The following CACNG2 variants were observed in gnomAD, a reference collection of about 807,000 sequenced individuals.
CACNG2 encodes the protein calcium voltage-gated channel auxiliary subunit gamma 2, also known as voltage-dependent calcium channel gamma-2 subunit.
A neutral mutation model predicts 25.9 loss-of-function variants in CACNG2; 3 were observed. The observed-to-expected ratio is 0.12, with a 90% CI of 0.05 to 0.30. The LOEUF (loss-of-function observed/expected upper bound fraction) is 0.30, where lower values mean the gene tolerates loss of function less well. Ranked by LOEUF, CACNG2 falls within the 10% of genes least tolerant of loss-of-function variation. The probability of loss-of-function intolerance (pLI) is 1.00; values close to 1 mark genes in which losing one functional copy is unlikely to be tolerated. For missense variants in CACNG2, 341 were observed against 432.5 expected, an observed-to-expected ratio of 0.79 and a Z score of 1.88; for synonymous variants, 167 against 173.3, an observed-to-expected ratio of 0.96 and a Z score of 0.29.
intron 1 of CACNG2, among the ~76,000 whole-genome samples, chr22:36,613,626 A>G (rs540192512): frequency 6.6e-6 from 1 of 151,822 alleles, no homozygotes; most frequent in Non-Finnish European, 1.5e-5. Flanking sequence ...TTCATTCTAC[A>G]TATGTTCCTC....
At chr22:36,637,075 G>C (rs566334399) in intron 1 of CACNG2, among the ~76,000 whole-genome samples, 7 of 152,248 alleles carry the variant, frequency 4.6e-5, no homozygotes. Flanking sequence ...AACATCTGCT[G>C]TGTGAGGCTC....
rs1174792138 is a variant in CACNG2, at chr22:36,662,582, G to A, written c.211+39784C>T. Reference sequence around the variant, plus strand: ...CCTTCTCTGTGCCTGACTCAGCTGTGTGTGTTCTTTAAGGCTCAACTCAGG... The same window carrying A: ...CCTTCTCTGTGCCTGACTCAGCTGTATGTGTTCTTTAAGGCTCAACTCAGG... On this transcript the variant is annotated intron_variant, in intron 1 of 3. Transcript: ENST00000300105. Among the ~76,000 whole-genome samples the A allele has an allele frequency of 1.1e-4, 16 of 152,318 alleles. No individual in the cohort carries two copies. The East Asian group carries it at 2.7e-3, about 26-fold the overall frequency.
chr22:36,640,216 C>T (rs544609386), intron 1 of CACNG2, among the ~76,000 whole-genome samples: 5 of 152,126 alleles, frequency 3.3e-5, no homozygotes, highest in African/African-American at 9.7e-5. Flanking sequence ...TTCACAGGGG[C>T]GGTTGTGAGG....
chr22:36,638,073 C>T (rs543976757), intron 1 of CACNG2, among the ~76,000 whole-genome samples: 4 of 152,080 alleles, frequency 2.6e-5, no homozygotes, highest in Non-Finnish European at 4.4e-5. Context: ...TGCCTTTACT[C>T]CTCTGTGGGT....
At chr22:36,687,284 T>C (rs1289407390) in intron 1 of CACNG2, among the ~76,000 whole-genome samples, 1 of 152,250 alleles carries the variant, frequency 6.6e-6, no homozygotes, top group Non-Finnish European at 1.5e-5. Context: ...AATAAACTTT[T>C]TGTTTTGTTT....
At chr22:36,692,368 C>T (rs1937277213) in intron 1 of CACNG2, among the ~76,000 whole-genome samples, 1 of 152,170 alleles carries the variant, frequency 6.6e-6, no homozygotes, top group Non-Finnish European at 1.5e-5. Flanking sequence ...CAAAGGCAAA[C>T]CCAGGGTTGC....
intron 1 of CACNG2, among the ~76,000 whole-genome samples, chr22:36,677,237 A>G (rs1937032574): frequency 6.6e-6 from 1 of 152,180 alleles, no homozygotes; most frequent in South Asian, 2.1e-4. Context: ...ATCCTTCTGC[A>G]TTCAAAGATT....
chr22:36,658,846 G>T (rs544233401), intron 1 of CACNG2, among the ~76,000 whole-genome samples: 1 of 152,292 alleles, frequency 6.6e-6, no homozygotes, highest in East Asian at 1.9e-4. Context: ...TCCTTAGGTT[G>T]GGTGGTCAGG....
intron 1 of CACNG2, among the ~76,000 whole-genome samples, chr22:36,660,341 G>A (rs1936773827): frequency 6.6e-6 from 1 of 152,250 alleles, no homozygotes. Context: ...CGTGACCATG[G>A]CTTCTGCGGG....
chr22:36,698,590 G>C (rs1937371202), intron 1 of CACNG2, among the ~76,000 whole-genome samples: 1 of 152,194 alleles, frequency 6.6e-6, no homozygotes, highest in Non-Finnish European at 1.5e-5. Context: ...GACACTTCTT[G>C]CTCAAAGAGA....
rs866391657 is a variant in CACNG2 at position 36,617,169 on chromosome 22, T to C, written c.212-29621A>G. ...GGTCATGGGGGTGGGGAGATTGGTA[T>C]TTCTCCATGTTCCAGTCTTGAAGAG... On this transcript the variant is annotated intron_variant, in intron 1 of 3. Transcript: ENST00000300105. 3.9e-5 allele frequency among the ~76,000 whole-genome samples: 6 copies of C among 152,342 alleles called. No homozygotes were observed. In the South Asian group the frequency reaches 1.0e-3, roughly 26 times the overall value.
intron 1 of CACNG2, among the ~76,000 whole-genome samples, chr22:36,625,946 A>T (rs989911624): frequency 6.6e-6 from 1 of 151,962 alleles, no homozygotes; most frequent in African/African-American, 2.4e-5. Flanking sequence ...TTGAGATGGA[A>T]TCTTACTCTG....
At chr22:36,619,701 G>C (rs1258830591) in intron 1 of CACNG2, among the ~76,000 whole-genome samples, 3 of 152,196 alleles carry the variant, frequency 2.0e-5, no homozygotes, top group Non-Finnish European at 4.4e-5. Flanking sequence ...TGCTGCCTTT[G>C]TGATGTAAGA....
chr22:36,675,993 G>A (rs1205184456), intron 1 of CACNG2, among the ~76,000 whole-genome samples: 1 of 152,146 alleles, frequency 6.6e-6, no homozygotes, highest in Non-Finnish European at 1.5e-5. Context: ...AATTTGTAGA[G>A]GGAAAGTAGA....
chr22:36,564,475 G>A lies in CACNG2; in HGVS notation c.848C>T (p.Thr283Met). Residue 283 changes from threonine to methionine, a missense_variant, in exon 4 of 4, where the codon ACG (threonine) becomes ATG (methionine). Around this residue, in one of 2 missense-constraint regions of CACNG2, gnomAD observed 172 missense variants for 178.1 expected, o/e 0.97. Transcript: ENST00000300105. This position sits in a 1 kb window ranked among gnomAD's most constrained non-coding sequence, Gnocchi z 6.7. The stretch of plus-strand genomic sequence containing the variant: ...GTCGGAGTTGTAGGTGGCGGTGGGC[G>A]TGGTGGCGGCCTTCAGGGGGTCCCT... ...LSRDPLKAAT[T>M]PTATYNSDRD... 2 of 1,614,144 alleles carry A rather than the reference G, an allele frequency of 1.2e-6. No homozygotes were observed. The highest frequency in any genetic ancestry group is 1.7e-6 in the Non-Finnish European group (2 of 1,180,002).
intron 1 of CACNG2, among the ~76,000 whole-genome samples, chr22:36,590,915 G>A (rs1935581316): frequency 6.6e-6 from 1 of 152,046 alleles, no homozygotes; most frequent in African/African-American, 2.4e-5. Flanking sequence ...TGGTCCTGCT[G>A]CCTGAACTCC....
intron 2 of CACNG2, among the ~76,000 whole-genome samples, chr22:36,571,889 A>AC: frequency 6.6e-6 from 1 of 151,968 alleles, no homozygotes; most frequent in Non-Finnish European, 1.5e-5. Flanking sequence ...AAACAAAAAA[A>AC]AAAAAAAAAA....
intron 2 of CACNG2, among the ~76,000 whole-genome samples, chr22:36,569,240 G>A (rs931163836): frequency 9.9e-5 from 15 of 152,134 alleles, no homozygotes; most frequent in African/African-American, 3.1e-4. Flanking sequence ...ATAACAGTCC[G>A]GCAGGGTGTG....
At chr22:36,566,920 C>G (rs1315943152) in intron 2 of CACNG2, among the ~76,000 whole-genome samples, 1 of 152,258 alleles carries the variant, frequency 6.6e-6, no homozygotes, top group Non-Finnish European at 1.5e-5. Flanking sequence ...CTTCATCCTT[C>G]AAAACCCAGC....
Sources: gnomAD v4.1 joint callset for allele counts (sites outside exome capture counted in the v4.1 genomes callset) on GRCh38, gnomAD v4.1.1 for gene constraint, gnomAD v4.1.1 regional missense constraint, Gnocchi (gnomAD v3.1) non-coding constraint, MANE v1.5 for transcripts, NCBI Gene and HGNC (gene_info 2026-07-23, HGNC 2026-07-21) for gene names.